ARHGAP21: variants seen among roughly 807,000 people sequenced by gnomAD.
The protein encoded by ARHGAP21 is rho GTPase-activating protein 21.
In ARHGAP21, 38 loss-of-function variants were observed where a neutral mutation model predicts 164.6. The ratio of observed to expected loss-of-function variants is 0.23; its 90% confidence interval spans 0.18 to 0.30. ARHGAP21 has a LOEUF of 0.30. Ranked by LOEUF, ARHGAP21 falls within the 10% of genes least tolerant of loss-of-function variation. The pLI is 1.00. For missense variants in ARHGAP21, 1,822 were observed against 2,370.7 expected (o/e 0.77, Z 4.81); for synonymous variants, 766 against 857.9 (o/e 0.89, Z 1.87).
intron 2 of ARHGAP21, among the ~76,000 whole-genome samples, chr10:24,684,575 T>A (rs1020873878): frequency 6.6e-6 from 1 of 152,140 alleles, no homozygotes; most frequent in African/African-American, 2.4e-5. Flanking sequence ...TTCCCAGGAG[T>A]TTATCAGTTT....
chr10:24,719,255 G>A (rs1845700653), intron 2 of ARHGAP21, among the ~76,000 whole-genome samples: 1 of 152,146 alleles, frequency 6.6e-6, no homozygotes, highest in East Asian at 1.9e-4. Context: ...ATAATGCCAA[G>A]ACATATTCTA....
intron 2 of ARHGAP21, among the ~76,000 whole-genome samples, chr10:24,691,472 T>C (rs1011942400): frequency 1.3e-5 from 2 of 152,172 alleles, no homozygotes; most frequent in Non-Finnish European, 2.9e-5. Flanking sequence ...CCCAACTAAG[T>C]AAAAAATTCT....
intron 2 of ARHGAP21, among the ~76,000 whole-genome samples, chr10:24,704,286 TTTC>T (rs1376480422): frequency 1.4e-5 from 2 of 148,104 alleles, no homozygotes; most frequent in African/African-American, 2.6e-5. Flanking sequence ...CATTTTTTCT[TTTC>T]TTTTTTTTTT....
intron 3 of ARHGAP21, among the ~76,000 whole-genome samples, chr10:24,669,586 A>G (rs938606356): frequency 6.6e-6 from 1 of 152,204 alleles, no homozygotes; most frequent in Non-Finnish European, 1.5e-5. Context: ...TATGGGGCTA[A>G]TAATACCACC....
intron 14 of ARHGAP21, 55 bp downstream of exon 14, chr10:24,600,591 G>C: frequency 6.4e-7 from 1 of 1,557,088 alleles, no homozygotes; most frequent in Non-Finnish European, 8.7e-7. Flanking sequence ...TTAGATCTTT[G>C]TAAGAAAGTG....
chr10:24,587,738 C>T (rs552992390), intron 25 of ARHGAP21, among the ~76,000 whole-genome samples: 82 of 152,244 alleles, frequency 5.4e-4, no homozygotes, highest in African/African-American at 2.0e-3. Flanking sequence ...ATCTCAGTTC[C>T]GTGGCGAGAA....
chr10:24,653,572 CAA>C (rs201414885), intron 4 of ARHGAP21, among the ~76,000 whole-genome samples: 2 of 125,372 alleles, frequency 1.6e-5, no homozygotes, highest in Admixed American at 8.4e-5. Flanking sequence ...GACTCTGTCT[CAA>C]AAAAAAAAAA....
At chr10:24,652,692 AT>A (rs1485110856) in intron 4 of ARHGAP21, among the ~76,000 whole-genome samples, 1 of 152,212 alleles carries the variant, frequency 6.6e-6, no homozygotes, top group Non-Finnish European at 1.5e-5. Flanking sequence ...TCTTCAGGAA[AT>A]CCAAATTAAA....
intron 24 of ARHGAP21, chr10:24,590,967 AAC>A: frequency 1.1e-6 from 1 of 929,830 alleles, no homozygotes; most frequent in Non-Finnish European, 1.3e-6. Context: ...AAAAGAACAA[AAC>A]AGTGGTTTGC....
At chr10:24,648,235 G>A (rs1295865210) in intron 4 of ARHGAP21, among the ~76,000 whole-genome samples, 1 of 152,176 alleles carries the variant, frequency 6.6e-6, no homozygotes, top group African/African-American at 2.4e-5. Context: ...GGTACGTCAG[G>A]AGGAAGAAAT....
intron 4 of ARHGAP21, among the ~76,000 whole-genome samples, chr10:24,636,623 G>A (rs1057479865): frequency 6.6e-6 from 1 of 152,150 alleles, no homozygotes; most frequent in Non-Finnish European, 1.5e-5. Context: ...CATAGTGTAT[G>A]CACCAAGATG....
At chr10:24,640,639 G>A (rs894877915) in intron 4 of ARHGAP21, among the ~76,000 whole-genome samples, 1 of 151,962 alleles carries the variant, frequency 6.6e-6, no homozygotes, top group African/African-American at 2.4e-5. Context: ...AGCTATTTAA[G>A]GGAAATAAAT....
rs376603072 is a variant in ARHGAP21 at position 24,635,089 on chromosome 10, G to A, written c.283C>T (p.Arg95Cys). ...AATATGGTATCCATTGGTTCCAAGCGGTTTCTTTGTTTTCCTGTTACAGAG... is the reference window on the plus strand; with the variant it reads ...AATATGGTATCCATTGGTTCCAAGCAGTTTCTTTGTTTTCCTGTTACAGAG... Reference protein sequence around the residue: ...NGNRGGKQRNRLEPMDTIFVK... With the variant: ...NGNRGGKQRNCLEPMDTIFVK... Residue 95 changes from arginine to cysteine, a missense_variant, in exon 5 of 26, where the codon CGC (arginine) becomes TGC (cysteine). Physicochemically the swap from Arg to Cys is radical, Grantham distance 180. Coordinates refer to ENST00000396432, the MANE Select transcript of ARHGAP21 (RefSeq NM_020824.4). 9.4e-6 allele frequency: 15 copies of A among 1,587,764 alleles called. No homozygotes were observed. Among genetic ancestry groups the A allele is most frequent in the South Asian group, 2.4e-5 (2 of 84,946 alleles).
intron 9 of ARHGAP21, among the ~76,000 whole-genome samples, chr10:24,618,704 A>G (rs1047141727): frequency 6.6e-6 from 1 of 152,162 alleles, no homozygotes; most frequent in African/African-American, 2.4e-5. Context: ...GAGATCACGA[A>G]GTAGGATCTC....
chr10:24,657,351 T>C (rs1460935833), intron 4 of ARHGAP21, among the ~76,000 whole-genome samples: 15 of 41,942 alleles, frequency 3.6e-4, no homozygotes, highest in East Asian at 7.3e-4. Flanking sequence ...AGGTGAGGGG[T>C]GCCTCTGCCC....
chr10:24,713,478 T>TCTA (rs1296044898), intron 2 of ARHGAP21, among the ~76,000 whole-genome samples: 1 of 152,186 alleles, frequency 6.6e-6, no homozygotes, highest in Non-Finnish European at 1.5e-5. Flanking sequence ...TTCTGATCTG[T>TCTA]CTACTTACCC....
At chr10:24,693,826 T>A (rs1173919693) in intron 2 of ARHGAP21, among the ~76,000 whole-genome samples, 2 of 152,178 alleles carry the variant, frequency 1.3e-5, no homozygotes, top group Non-Finnish European at 2.9e-5. Context: ...GAAACTGTAT[T>A]GAGTAGAAAA....
chr10:24,664,049 T>TA (rs1839951807), intron 4 of ARHGAP21, among the ~76,000 whole-genome samples: 1 of 152,208 alleles, frequency 6.6e-6, no homozygotes, highest in African/African-American at 2.4e-5. Context: ...CAGCTTACAT[T>TA]AAGGAACCAC....
At position 24,620,561 on chromosome 10, in the gene ARHGAP21, T is replaced by C; in HGVS notation, c.1334A>G (p.Asp445Gly). ...LQGRRRSTSHDRVPQSVQIRQ... is the reference protein window; with the variant it reads ...LQGRRRSTSHGRVPQSVQIRQ... ...TATCTGGACAGACTGGGGCACTCGA[T>C]CATGAGAGGTGCTTCGACGTCGTCC... Residue 445 changes from aspartate (D) to glycine (G), a missense_variant, in exon 9 of 26, where the codon GAT (aspartate) becomes GGT (glycine). Asp to Gly is a moderately conservative substitution (Grantham distance 94). Transcript: ENST00000396432. The C allele has an allele frequency of 6.2e-7, 1 of 1,614,152 alleles. No homozygotes were observed.
Sources: allele counts gnomAD v4.1 joint callset (sites outside exome capture counted in the v4.1 genomes callset), GRCh38; gene constraint gnomAD v4.1.1; transcripts MANE v1.5; gene names NCBI Gene and HGNC (gene_info 2026-07-23, HGNC 2026-07-21).